Variants in MYT1L observed in about 807,000 individuals in gnomAD.
The protein encoded by MYT1L is myelin transcription factor 1 like, also known as myelin transcription factor 1-like protein.
A neutral mutation model predicts 126.7 loss-of-function variants in MYT1L; 12 were observed. That is an observed-to-expected ratio of 0.09 (90% CI 0.06 to 0.15). The LOEUF (loss-of-function observed/expected upper bound fraction) is 0.15, where lower values mean the gene tolerates loss of function less well. MYT1L is among the 10% of genes least tolerant of loss of function. The pLI, the probability that MYT1L is intolerant of heterozygous loss-of-function variation, is 1.00. For synonymous variants in MYT1L, 541 were observed against 604.2 expected (o/e 0.90, Z 1.53); for missense variants, 979 against 1,585.2 (o/e 0.62, Z 6.49).
intron 4 of MYT1L, among the ~76,000 whole-genome samples, chr2:2,005,644 G>A (rs868401901): frequency 8.9e-4 from 127 of 143,018 alleles, no homozygotes; most frequent in South Asian, 4.4e-3. Context: ...TCCTGCAGGC[G>A]TTCTTTCCTG....
intron 3 of MYT1L, among the ~76,000 whole-genome samples, chr2:2,058,565 C>T (rs146451295): frequency 1.3e-5 from 2 of 152,230 alleles, no homozygotes; most frequent in Non-Finnish European, 2.9e-5. Flanking sequence ...TTGTAAATCA[C>T]AAGAGTCTAG....
At chr2:2,126,092 A>AT (rs1439724516) in intron 3 of MYT1L, among the ~76,000 whole-genome samples, 1 of 152,132 alleles carries the variant, frequency 6.6e-6, no homozygotes, top group East Asian at 1.9e-4. Context: ...TAGGGGCGGG[A>AT]TAAGAGCTCT....
chr2:1,971,815 T>C (rs1238705363), intron 8 of MYT1L, among the ~76,000 whole-genome samples: 1 of 152,136 alleles, frequency 6.6e-6, no homozygotes. Flanking sequence ...CAGGCCTGAA[T>C]TTTGTGTCTG....
chr2:1,960,233 A>G (rs1043945481), intron 8 of MYT1L, among the ~76,000 whole-genome samples: 1 of 152,224 alleles, frequency 6.6e-6, no homozygotes, highest in Non-Finnish European at 1.5e-5. Flanking sequence ...AAAAGTGATG[A>G]TTCCTTGTGT....
intron 1 of MYT1L, among the ~76,000 whole-genome samples, chr2:2,299,217 A>G (rs1336273601): frequency 6.6e-6 from 1 of 152,176 alleles, no homozygotes; most frequent in East Asian, 1.9e-4. Context: ...GTTCCTCTCC[A>G]GGGACTTGGC....
chr2:1,931,909 G>A lies in MYT1L; in HGVS notation c.506-8646C>T, dbSNP rs1054621770. Among the ~76,000 whole-genome samples the A allele has an allele frequency of 2.0e-5, 3 of 152,156 alleles. No individual in the cohort carries two copies. In the East Asian group the frequency reaches 5.8e-4, roughly 29 times the overall value. On this transcript the variant is annotated intron_variant, in intron 9 of 24. Transcript: ENST00000647738. ...CACCTCACTCCTGTCCACGCCCTCA[G>A]TGCAGGGCTCAGGGAACCCAGGAAG... is the stretch of plus-strand genomic sequence containing the variant.
chr2:2,049,075 G>C (rs1368591364), intron 4 of MYT1L, among the ~76,000 whole-genome samples: 2 of 152,120 alleles, frequency 1.3e-5, no homozygotes, highest in Admixed American at 6.5e-5. Context: ...TATGATAGAA[G>C]CAACACAAAT....
chr2:2,262,844 C>T (rs944946430), intron 2 of MYT1L, among the ~76,000 whole-genome samples: 15 of 143,006 alleles, frequency 1.0e-4, no homozygotes, highest in Non-Finnish European at 2.1e-4. Context: ...ATTTTTCTTT[C>T]GTAGATTATG....
At chr2:2,186,160 A>G (rs1225702216) in intron 2 of MYT1L, among the ~76,000 whole-genome samples, 3 of 120,584 alleles carry the variant, frequency 2.5e-5, no homozygotes, top group South Asian at 2.7e-4. Flanking sequence ...GGCCTCCCAG[A>G]CGCCCGCGTT....
chr2:1,873,695 G>A lies in MYT1L; in HGVS notation c.2711+12844C>T, dbSNP rs137928188. ...TCAGGGTGCTGGCCTGCTGGGGAGCGCTCAGAGAGCTCTGACCCTCACCTG... is the reference window on the plus strand; with the variant it reads ...TCAGGGTGCTGGCCTGCTGGGGAGCACTCAGAGAGCTCTGACCCTCACCTG... On this transcript the variant is annotated intron_variant, in intron 18 of 24. Transcript: ENST00000647738. Among the ~76,000 whole-genome samples the A allele has an allele frequency of 2.0e-5, 3 of 152,260 alleles. No homozygotes were observed. In the East Asian group the frequency reaches 5.8e-4, roughly 29 times the overall value.
chr2:2,102,943 A>C (rs2078278498), intron 3 of MYT1L, among the ~76,000 whole-genome samples: 1 of 152,114 alleles, frequency 6.6e-6, no homozygotes, highest in Non-Finnish European at 1.5e-5. Flanking sequence ...TAACACTTAA[A>C]AAAAAAAGCC....
chr2:2,068,575 T>G (rs1382425661), intron 3 of MYT1L, among the ~76,000 whole-genome samples: 1 of 152,176 alleles, frequency 6.6e-6, no homozygotes, highest in Non-Finnish European at 1.5e-5. Context: ...TATTACTCAC[T>G]TTGTAAATAA....
At chr2:2,207,104 T>C (rs192794823) in intron 2 of MYT1L, among the ~76,000 whole-genome samples, 39 of 152,342 alleles carry the variant, frequency 2.6e-4, no homozygotes, top group Non-Finnish European at 4.6e-4. Flanking sequence ...AGATAATGTA[T>C]TGATCAGTTG....
At chr2:2,279,258 T>C (rs1281316222) in intron 2 of MYT1L, among the ~76,000 whole-genome samples, 2 of 152,206 alleles carry the variant, frequency 1.3e-5, no homozygotes, top group African/African-American at 4.8e-5. Flanking sequence ...TAGAGGCTAA[T>C]AGTATCTACT....
At chr2:2,072,620 G>A (rs1244414909) in intron 3 of MYT1L, among the ~76,000 whole-genome samples, 1 of 152,254 alleles carries the variant, frequency 6.6e-6, no homozygotes, top group Admixed American at 6.5e-5. Context: ...CTGTGTCCCC[G>A]CGCAAATCCG....
At chr2:2,017,498 G>A (rs182288354) in intron 4 of MYT1L, among the ~76,000 whole-genome samples, 12 of 152,252 alleles carry the variant, frequency 7.9e-5, no homozygotes, top group South Asian at 2.1e-4. Context: ...TTCATACTGC[G>A]AAGGTCACAA....
intron 4 of MYT1L, among the ~76,000 whole-genome samples, chr2:2,020,394 A>G (rs1394498380): frequency 6.6e-6 from 1 of 152,168 alleles, no homozygotes; most frequent in Non-Finnish European, 1.5e-5. Flanking sequence ...CGCCCTTCAG[A>G]GTGTTCTCAT....
At chr2:2,165,749 T>C (rs1438431635) in intron 3 of MYT1L, among the ~76,000 whole-genome samples, 1 of 152,074 alleles carries the variant, frequency 6.6e-6, no homozygotes, top group African/African-American at 2.4e-5. Flanking sequence ...TTTTTAGAAA[T>C]AATTTTGAGA....
chr2:2,304,210 C>T (rs1321905413), intron 1 of MYT1L, among the ~76,000 whole-genome samples: 5 of 152,140 alleles, frequency 3.3e-5, no homozygotes, highest in African/African-American at 2.4e-5. Context: ...TATGGTGGAA[C>T]GTAACACACT....
Sources: allele counts gnomAD v4.1 joint callset (sites outside exome capture counted in the v4.1 genomes callset), GRCh38; gene constraint gnomAD v4.1.1; transcripts MANE v1.5; gene names NCBI Gene and HGNC (gene_info 2026-07-23, HGNC 2026-07-21).